The following PAM variants were observed in gnomAD, a reference collection of about 807,000 sequenced individuals.
The protein encoded by PAM is peptidylglycine alpha-amidating monooxygenase, also known as peptidyl-glycine alpha-amidating monooxygenase.
PAM carries 72 observed loss-of-function variants against 122.1 expected under a neutral mutation model. The ratio of observed to expected loss-of-function variants is 0.59; its 90% CI spans 0.49 to 0.72. The LOEUF (loss-of-function observed/expected upper bound fraction) is 0.72. PAM is among the 30% of genes least tolerant of loss of function. The probability of loss-of-function intolerance (pLI) is 0.00; values close to 1 mark genes in which losing one functional copy is unlikely to be tolerated. For missense variants in PAM, 1,106 were observed against 1,183.7 expected (o/e 0.93, Z 0.96); for synonymous variants, 389 against 404.4 (o/e 0.96, Z 0.46).
intron 1 of PAM, among the ~76,000 whole-genome samples, chr5:102,794,498 A>G (rs900737465): frequency 1.3e-5 from 2 of 152,180 alleles, no homozygotes; most frequent in Non-Finnish European, 2.9e-5. Flanking sequence ...GAATTAGCAG[A>G]TTCTTCCTAT....
intron 3 of PAM, among the ~76,000 whole-genome samples, chr5:102,882,086 TATATATATATATATATATATATATAC>T (rs1302570566): frequency 3.3e-5 from 2 of 59,870 alleles, no homozygotes; most frequent in Non-Finnish European, 3.3e-5. Flanking sequence ...TATATATATA[TATATATATATATATATATATATATAC>T]ACCACATTTT....
At position 103,003,215 on chromosome 5, in the gene PAM, A is replaced by G. The variant is rs1777939947; in HGVS notation, c.1730+66A>G. 19 of 748,604 alleles carry G rather than the reference A, an allele frequency of 2.5e-5. No homozygotes were observed. In the South Asian group the frequency reaches 3.1e-4, roughly 12 times the overall value. 46.4% of individuals were successfully genotyped at this position (748,604 alleles called of 1,614,324 possible). On this transcript the variant is annotated intron_variant, in intron 17 of 25. Transcript: ENST00000438793. ...ATATTGAGTATAAAGTGTATCATAG[A>G]GTCTTGAAATTCGAGTGTTTTGTAT...
chr5:102,790,319 C>T (rs954037425), intron 1 of PAM, among the ~76,000 whole-genome samples: 3 of 152,094 alleles, frequency 2.0e-5, no homozygotes, highest in Admixed American at 6.6e-5. Context: ...GTAACTTTAT[C>T]TGAGGATGGA....
chr5:102,921,526 C>A (rs1747458457), intron 5 of PAM, among the ~76,000 whole-genome samples: 1 of 152,032 alleles, frequency 6.6e-6, no homozygotes, highest in Non-Finnish European at 1.5e-5. Context: ...AGTTCCAATG[C>A]CCCAGTGTCC....
At chr5:102,846,612 A>C (rs1176839720) in intron 1 of PAM, among the ~76,000 whole-genome samples, 1 of 152,194 alleles carries the variant, frequency 6.6e-6, no homozygotes, top group Non-Finnish European at 1.5e-5. Context: ...TATACAAGTG[A>C]AAGAGCAGGC....
chr5:102,971,890 G>A (rs1765939751), intron 14 of PAM, among the ~76,000 whole-genome samples: 1 of 152,172 alleles, frequency 6.6e-6, no homozygotes, highest in Non-Finnish European at 1.5e-5. Context: ...GTAAGAGATA[G>A]CCATCTAGTG....
At chr5:102,849,150 G>A (rs1780702443) in intron 1 of PAM, among the ~76,000 whole-genome samples, 2 of 152,122 alleles carry the variant, frequency 1.3e-5, no homozygotes, top group African/African-American at 4.8e-5. Context: ...TTGGGGGAAA[G>A]GATTGTCATT....
intron 1 of PAM, among the ~76,000 whole-genome samples, chr5:102,855,812 T>C (rs961244221): frequency 6.6e-6 from 1 of 152,084 alleles, no homozygotes; most frequent in African/African-American, 2.4e-5. Context: ...CCACATCCAC[T>C]GAAGCCCGGT....
intron 4 of PAM, among the ~76,000 whole-genome samples, chr5:102,902,472 TG>T (rs1359625246): frequency 1.3e-5 from 2 of 151,640 alleles, no homozygotes; most frequent in African/African-American, 4.8e-5. Context: ...TTGATGATGT[TG>T]TTTTGTATAA....
rs1373539597 is a variant in PAM at position 102,990,261 on chromosome 5, A to G, written c.1484-11A>G. On this transcript the variant is annotated splice_polypyrimidine_tract_variant and intron_variant, in intron 15 of 25. Transcript: ENST00000438793. The stretch of plus-strand genomic sequence containing the variant: ...TCCCTTTTACACTAAATGTGTGGAT[A>G]TATCTTTTAGATTTCCACATGGAAG... 11 of 1,534,608 alleles carry G rather than the reference A, an allele frequency of 7.2e-6. No individual in the cohort carries two copies. Among genetic ancestry groups the G allele is most frequent in the South Asian group, 3.9e-5 (3 of 77,756 alleles).
At chr5:102,887,434 G>A (rs955060155) in intron 3 of PAM, among the ~76,000 whole-genome samples, 3 of 151,916 alleles carry the variant, frequency 2.0e-5, no homozygotes, top group Non-Finnish European at 4.4e-5. Context: ...CTAGAATCAT[G>A]AGCCAACCTT....
chr5:102,939,845 A>G (rs563544468), intron 7 of PAM, among the ~76,000 whole-genome samples: 2 of 152,166 alleles, frequency 1.3e-5, no homozygotes, highest in African/African-American at 2.4e-5. Context: ...AGTATTGTAA[A>G]TAGATTAAGA....
intron 1 of PAM, among the ~76,000 whole-genome samples, chr5:102,840,391 A>G (rs184624729): frequency 6.6e-6 from 1 of 152,288 alleles, no homozygotes; most frequent in African/African-American, 2.4e-5. Context: ...ATTAAAATGT[A>G]TTGACTTGTA....
Position 103,006,900 on chromosome 5 carries a change from G to C in PAM, c.1903G>C (p.Asp635His). 1 of 1,613,904 alleles carries C rather than the reference G, an allele frequency of 6.2e-7. No homozygotes were observed. Among genetic ancestry groups the C allele is most frequent in the Non-Finnish European group, 8.5e-7 (1 of 1,179,778 alleles). ...CCAGAATCACTTCTGTCAACCCACT[G>C]ATGTGGCTGTGGATCCAGGCACTGG... Reference protein sequence around the residue: ...SDQNHFCQPTDVAVDPGTGAI... With the variant: ...SDQNHFCQPTHVAVDPGTGAI... The change falls in exon 19 of 26, where the codon GAT becomes CAT. Residue 635 changes from aspartate to histidine, a missense_variant. By Grantham distance (81) the Asp-to-His change is moderately conservative (BLOSUM62 -1). Transcript: ENST00000438793.
chr5:102,905,287 A>G (rs944816637), intron 4 of PAM, among the ~76,000 whole-genome samples: 1 of 151,686 alleles, frequency 6.6e-6, no homozygotes, highest in African/African-American at 2.4e-5. Context: ...TTTCCCTCAC[A>G]TGGATGACCT....
chr5:102,974,488 G>C (rs553449792), intron 15 of PAM, 52 bp downstream of exon 15: 3 of 1,200,372 alleles, frequency 2.5e-6, no homozygotes, highest in Non-Finnish European at 3.6e-6. Context: ...TACAATCCAC[G>C]TTAGCAAAAC....
chr5:102,887,134 G>A (rs1793366954), intron 3 of PAM, among the ~76,000 whole-genome samples: 1 of 152,038 alleles, frequency 6.6e-6, no homozygotes, highest in African/African-American at 2.4e-5. Flanking sequence ...CAGAACTCAT[G>A]TTGAAAGTTG....
At chr5:102,922,537 G>T (rs895634045) in intron 5 of PAM, among the ~76,000 whole-genome samples, 1 of 152,086 alleles carries the variant, frequency 6.6e-6, no homozygotes, top group African/African-American at 2.4e-5. Flanking sequence ...ATTTTATTTT[G>T]ATTTTATTTT....
chr5:103,011,400 A>ACACACT (rs1554179596), intron 21 of PAM, among the ~76,000 whole-genome samples: 30 of 124,856 alleles, frequency 2.4e-4, no homozygotes, highest in Non-Finnish European at 1.9e-4. Flanking sequence ...ACACACACAC[A>ACACACT]CTCTCTCTCT....
Sources: allele counts gnomAD v4.1 joint callset (sites outside exome capture counted in the v4.1 genomes callset), GRCh38; gene constraint gnomAD v4.1.1; transcripts MANE v1.5; gene names NCBI Gene and HGNC (gene_info 2026-07-23, HGNC 2026-07-21).